Variants in ABCB11 observed in about 807,000 individuals in gnomAD.
The protein encoded by ABCB11 is ATP binding cassette subfamily B member 11, also known as bile salt export pump.
ABCB11 carries 95 observed loss-of-function variants against 148.0 expected under a neutral mutation model. That is an observed-to-expected ratio of 0.64 (90% CI 0.54 to 0.76). The LOEUF is 0.76. Among genes scored for constraint, ABCB11 ranks in the 30% least tolerant of loss-of-function variants. The pLI is 0.00. For synonymous variants in ABCB11, 591 were observed against 555.4 expected (o/e 1.06, Z -0.90); for missense variants, 1,523 against 1,617.8 (o/e 0.94, Z 1.01).
intron 1 of ABCB11, among the ~76,000 whole-genome samples, chr2:169,025,196 T>G (rs1695661319): frequency 6.6e-6 from 1 of 152,212 alleles, no homozygotes; most frequent in South Asian, 2.1e-4. Context: ...TTTCCACTGG[T>G]GTGCAAATAC....
At chr2:169,016,742 A>G (rs746321235) in intron 3 of ABCB11, 36 bp downstream of exon 3, 3 of 1,565,846 alleles carry the variant, frequency 1.9e-6, no homozygotes, top group Non-Finnish European at 2.6e-6. Flanking sequence ...GAGTTATTCT[A>G]GAAAAGATGC....
At position 169,013,156 on chromosome 2, in the gene ABCB11, T is replaced by C. The variant is rs371573363; in HGVS notation, c.389+116A>G. On this transcript the variant is annotated intron_variant, in intron 5 of 27. Coordinates refer to ENST00000650372, the MANE Select transcript of ABCB11 (RefSeq NM_003742.4). ...AAATATGGGTAAACTCATGTTTCTA[T>C]TCTCTTTGTGTTAGATACCACTCCA... 1.9e-4 allele frequency: 134 copies of C among 716,614 alleles called. 1 individual carries two copies. The South Asian group carries it at 2.8e-3, about 15-fold the overall frequency. The allele number at this position is 716,614 out of a possible 1,614,324, so 44.4% of individuals were successfully genotyped here.
At chr2:168,995,537 T>G in intron 6 of ABCB11, 55 bp from the exon 7 acceptor site, 1 of 1,561,226 alleles carries the variant, frequency 6.4e-7, no homozygotes, top group Non-Finnish European at 8.7e-7. Flanking sequence ...ATTTGTTAAT[T>G]TCTTTTTTCA....
chr2:168,993,146 A>G (rs1694595746), intron 8 of ABCB11, among the ~76,000 whole-genome samples: 2 of 152,046 alleles, frequency 1.3e-5, no homozygotes, highest in African/African-American at 2.4e-5. Flanking sequence ...TATCTGAAAG[A>G]TAAGATGAAA....
intron 5 of ABCB11, 68 bp downstream of exon 5, chr2:169,013,204 T>C (rs1695241073): frequency 1.6e-6 from 2 of 1,231,280 alleles, no homozygotes; most frequent in Non-Finnish European, 2.3e-6. Flanking sequence ...AAATCCCCTC[T>C]ATACATTTTG....
Position 169,007,914 on chromosome 2 carries a change from G to T in ABCB11, c.389+5358C>A, listed in dbSNP as rs556887218. On this transcript the variant is annotated intron_variant, in intron 5 of 27. Coordinates refer to ENST00000650372, the MANE Select transcript of ABCB11 (RefSeq NM_003742.4). The stretch of plus-strand genomic sequence containing the variant: ...GGAACTTATATCTAGAATATATAAA[G>T]AATTCCTACAACTCAATAATCAGTA... Among the ~76,000 whole-genome samples the T allele has an allele frequency of 4.6e-5, 7 of 152,238 alleles. 1 individual carries two copies. Among genetic ancestry groups the T allele is most frequent in the Admixed American group, 1.3e-4 (2 of 15,278 alleles).
At chr2:168,997,329 C>T (rs1439623898) in intron 5 of ABCB11, among the ~76,000 whole-genome samples, 2 of 152,020 alleles carry the variant, frequency 1.3e-5, no homozygotes, top group Non-Finnish European at 2.9e-5. Flanking sequence ...TTTTTGCTGA[C>T]TACAGCCTAA....
intron 1 of ABCB11, 145 bp from the exon 2 acceptor site, chr2:169,018,297 T>C (rs1695426414): frequency 1.5e-6 from 1 of 689,426 alleles, no homozygotes; most frequent in Non-Finnish European, 2.4e-6. Flanking sequence ...GGTTAATAAC[T>C]CCCTGAAAGA....
chr2:169,004,208 A>G (rs10200158), intron 5 of ABCB11, among the ~76,000 whole-genome samples: 22,281 of 152,088 alleles, frequency 0.15, 2,659 homozygotes, highest in East Asian at 0.35. Flanking sequence ...CCCTAGACAA[A>G]AGATCTTCCT....
intron 11 of ABCB11, 100 bp downstream of exon 11, chr2:168,979,766 T>C (rs1694070369): frequency 1.7e-6 from 1 of 586,436 alleles, no homozygotes; most frequent in Non-Finnish European, 3.0e-6. Context: ...CGATAGCTTC[T>C]TATATTTTTA....
intron 19 of ABCB11, among the ~76,000 whole-genome samples, chr2:168,955,444 A>C (rs1475355846): frequency 6.6e-6 from 1 of 151,620 alleles, no homozygotes; most frequent in Non-Finnish European, 1.5e-5. Context: ...AGGAGGAAGA[A>C]AGAGTGAAGG....
In ABCB11 at chr2:168,922,995, T is replaced by G. The variant is rs773735682; in HGVS notation, c.*627A>C. 3.9e-5 allele frequency: 6 copies of G among 153,988 alleles called. No homozygotes were observed. The highest frequency in any genetic ancestry group is 8.7e-5 in the Non-Finnish European group (6 of 69,334). The allele number at this position is 153,988 out of a possible 1,614,324, so 9.5% of individuals were successfully genotyped here. A position where few individuals can be genotyped will look rare whatever the true frequency, so the allele number is the denominator to read the frequency against. ...TAAAGCATAAATCAACAGCCCTAAC[T>G]GGAAAGCTCATGCTAATACTTTCCC... On this transcript the variant is annotated 3_prime_UTR_variant, in exon 28 of 28. Coordinates refer to ENST00000650372, the MANE Select transcript of ABCB11 (RefSeq NM_003742.4).
chr2:168,937,403 T>G (rs1194808953), intron 21 of ABCB11, among the ~76,000 whole-genome samples: 1 of 152,222 alleles, frequency 6.6e-6, no homozygotes, highest in East Asian at 1.9e-4. Flanking sequence ...GGTAGTCCCC[T>G]GTTCAAAAAG....
At chr2:169,030,524 TA>T (rs2106083236) in intron 1 of ABCB11, among the ~76,000 whole-genome samples, 1 of 152,344 alleles carries the variant, frequency 6.6e-6, no homozygotes, top group East Asian at 1.9e-4. Flanking sequence ...CTAACATCTC[TA>T]AAAAGCTATT....
At chr2:169,013,587 T>C in intron 4 of ABCB11, 77 bp from the exon 5 acceptor site, 2 of 1,204,634 alleles carry the variant, frequency 1.7e-6, no homozygotes, top group Non-Finnish European at 2.4e-6. Flanking sequence ...ATTTAGTTAC[T>C]AGATTCTCAT....
In ABCB11 at chr2:168,924,731, G is replaced by C. The variant is rs766285158; in HGVS notation, c.3691C>G (p.Arg1231Gly). ...ATTTTAGGATCTCGTACAATGGCCC[G>C]AGCAATAGCAATGCGTTGTTTCTCC... ...RGEKQRIAIA[R>G]AIVRDPKILL... The change falls in exon 27 of 28, where the codon CGG (arginine) becomes GGG (glycine). Residue 1231 changes from arginine to glycine, a missense_variant. Physicochemically the swap from Arg to Gly is moderately radical, Grantham distance 125. Coordinates refer to ENST00000650372, the MANE Select transcript of ABCB11 (RefSeq NM_003742.4). The C allele has an allele frequency of 1.2e-6, 2 of 1,613,570 alleles. No homozygotes were observed.
intron 5 of ABCB11, among the ~76,000 whole-genome samples, chr2:169,002,882 T>C (rs2106027359): frequency 6.6e-6 from 1 of 152,322 alleles, no homozygotes; most frequent in Non-Finnish European, 1.5e-5. Flanking sequence ...ATGTTTTGTA[T>C]GCTTGAAAAT....
chr2:168,945,011 A>C (rs1196110477), intron 19 of ABCB11, 50 bp from the exon 20 acceptor site: 1 of 1,245,880 alleles, frequency 8.0e-7, no homozygotes, highest in Non-Finnish European at 1.1e-6. Context: ...ATAGAAAAAT[A>C]AATCTATTTA....
At chr2:168,950,134 T>TACACAC (rs767462084) in intron 19 of ABCB11, among the ~76,000 whole-genome samples, 46 of 74,564 alleles carry the variant, frequency 6.2e-4, no homozygotes, top group African/African-American at 1.9e-3. Context: ...CTCCCATATA[T>TACACAC]ATATATACAC....
Sources: allele counts gnomAD v4.1 joint callset (sites outside exome capture counted in the v4.1 genomes callset), GRCh38; gene constraint gnomAD v4.1.1; transcripts MANE v1.5; gene names NCBI Gene and HGNC (gene_info 2026-07-23, HGNC 2026-07-21).